Variants in CEP85L observed in about 807,000 individuals in gnomAD.
CEP85L encodes the protein centrosomal protein of 85 kDa-like.
Under a neutral mutation model 100.3 loss-of-function variants are expected in CEP85L, and 60 were observed. That is an observed-to-expected ratio of 0.60 (90% CI 0.49 to 0.74). The LOEUF (loss-of-function observed/expected upper bound fraction) is 0.74. Ranked by LOEUF, CEP85L falls within the 30% of genes least tolerant of loss-of-function variation. The probability of loss-of-function intolerance (pLI) is 0.00; values close to 1 mark genes in which losing one functional copy is unlikely to be tolerated. For missense variants in CEP85L, 973 were observed against 936.2 expected (o/e 1.04, Z -0.51); for synonymous variants, 319 against 322.7 (o/e 0.99, Z 0.12).
At chr6:118,593,479 GGAGA>G (rs1276449272) in intron 2 of CEP85L, among the ~76,000 whole-genome samples, 1 of 151,890 alleles carries the variant, frequency 6.6e-6, no homozygotes, top group Admixed American at 6.6e-5. Context: ...AAGAGAGAGA[GGAGA>G]GAGGTGCTAC....
chr6:118,505,926 T>C (rs753958236), intron 5 of CEP85L, among the ~76,000 whole-genome samples: 1 of 152,178 alleles, frequency 6.6e-6, no homozygotes, highest in Non-Finnish European at 1.5e-5. Flanking sequence ...TCACTAATTA[T>C]AAATAATGTA....
chr6:118,501,678 T>G, intron 5 of CEP85L: 1 of 662,326 alleles, frequency 1.5e-6, no homozygotes, highest in Non-Finnish European at 2.8e-6. Flanking sequence ...CACTCAGAGA[T>G]GAAAATTTTT....
intron 4 of CEP85L, among the ~76,000 whole-genome samples, chr6:118,515,680 T>C (rs1776232042): frequency 6.6e-6 from 1 of 152,200 alleles, no homozygotes; most frequent in South Asian, 2.1e-4. Context: ...ATAAACTAAG[T>C]ATTTTGAGGT....
chr6:118,581,506 G>A lies in CEP85L; in HGVS notation c.233-15190C>T, dbSNP rs551648763. Among the ~76,000 whole-genome samples the A allele has an allele frequency of 2.0e-5, 3 of 151,826 alleles. No individual in the cohort carries two copies. In the South Asian group the frequency reaches 6.3e-4, roughly 32 times the overall value. The stretch of plus-strand genomic sequence containing the variant: ...ACAAGCAGAGGACTGGGACTACTTG[G>A]GTAAGTGTGACTAGGCCTCAAAAGT... On this transcript the variant is annotated intron_variant, in intron 2 of 12. Coordinates refer to ENST00000368491, the MANE Select transcript of CEP85L (RefSeq NM_001042475.3).
At chr6:118,478,937 C>CA (rs1773580228) in intron 10 of CEP85L, among the ~76,000 whole-genome samples, 1 of 152,168 alleles carries the variant, frequency 6.6e-6, no homozygotes, top group African/African-American at 2.4e-5. Flanking sequence ...GTTTCAATGC[C>CA]AAAGTTCAAG....
intron 3 of CEP85L, among the ~76,000 whole-genome samples, chr6:118,555,577 T>C (rs1466721064): frequency 2.0e-5 from 3 of 151,042 alleles, no homozygotes; most frequent in East Asian, 3.9e-4. Flanking sequence ...CAAAAGAAAA[T>C]CTATTTATAT....
chr6:118,666,064 G>A (rs1326405738), intron 1 of CEP85L, among the ~76,000 whole-genome samples: 1 of 152,104 alleles, frequency 6.6e-6, no homozygotes, highest in Admixed American at 6.6e-5. Flanking sequence ...TTCCACTCTG[G>A]TGCCAAGTAA....
chr6:118,556,367 T>C (rs1196469286), intron 3 of CEP85L, among the ~76,000 whole-genome samples: 1 of 152,210 alleles, frequency 6.6e-6, no homozygotes, highest in Non-Finnish European at 1.5e-5. Context: ...AACTCCTTGC[T>C]ACAGACCAAT....
intron 6 of CEP85L, among the ~76,000 whole-genome samples, chr6:118,486,846 A>ATC (rs201767007): frequency 1.3e-4 from 20 of 151,594 alleles, no homozygotes; most frequent in African/African-American, 3.4e-4. Flanking sequence ...AACATCTTTG[A>ATC]TCTCTCTCTC....
intron 2 of CEP85L, among the ~76,000 whole-genome samples, chr6:118,611,442 C>G (rs1177528193): frequency 6.6e-6 from 1 of 151,854 alleles, no homozygotes; most frequent in Non-Finnish European, 1.5e-5. Context: ...TTCAAGTAAC[C>G]CATAGGAAGG....
chr6:118,700,754 C>G (rs765095313), intron 1 of CEP85L, among the ~76,000 whole-genome samples: 1 of 152,136 alleles, frequency 6.6e-6, no homozygotes, highest in African/African-American at 2.4e-5. Flanking sequence ...AGTGAGAGTA[C>G]TGAGAACCCC....
At chr6:118,488,035 AG>A (rs1479694122) in intron 6 of CEP85L, among the ~76,000 whole-genome samples, 1 of 152,128 alleles carries the variant, frequency 6.6e-6, no homozygotes, top group East Asian at 1.9e-4. Flanking sequence ...ACTAGTACAA[AG>A]ATATGAAAAG....
chr6:118,583,190 C>T lies in CEP85L; in HGVS notation c.233-16874G>A, dbSNP rs576331679. ...CTCATAGATGGTCCAGCAGGACTGA[C>T]GGGTCCCGAGGCTTAAACCCCCGGC... is the stretch of plus-strand genomic sequence containing the variant. On this transcript the variant is annotated intron_variant, in intron 2 of 12. Coordinates refer to ENST00000368491, the MANE Select transcript of CEP85L (RefSeq NM_001042475.3). Among the ~76,000 whole-genome samples, 5 of 152,124 alleles carry T rather than the reference C, an allele frequency of 3.3e-5. No individual in the cohort carries two copies. The South Asian group carries it at 6.2e-4, about 19-fold the overall frequency.
intron 2 of CEP85L, among the ~76,000 whole-genome samples, chr6:118,569,340 TC>T (rs1475556959): frequency 1.4e-4 from 2 of 14,012 alleles, no homozygotes; most frequent in Admixed American, 1.5e-3. Flanking sequence ...AGACTCTGTC[TC>T]AAAAAAAAAA....
intron 2 of CEP85L, among the ~76,000 whole-genome samples, chr6:118,594,086 AT>A (rs1781337293): frequency 6.6e-6 from 1 of 152,010 alleles, no homozygotes; most frequent in African/African-American, 2.4e-5. Flanking sequence ...GCTCCTAACT[AT>A]TTACTGTCTT....
rs754477776 is a variant in CEP85L at position 118,483,839 on chromosome 6, T to C, written c.1457A>G (p.Tyr486Cys). 7 of 1,613,122 alleles carry C rather than the reference T, an allele frequency of 4.3e-6. 1 individual carries two copies. In the South Asian group the frequency reaches 5.5e-5, roughly 13 times the overall value. ...GCATTTCTTTTTCAGACTACTGATG[T>C]ATCGATCTCTAGTTTTAAGCTAAAA... The part of the protein sequence containing the change: ...LEEKLKTRDR[Y>C]ISSLKKKCQK... The change falls in exon 7 of 13, where the codon TAC (tyrosine) becomes TGC (cysteine). Residue 486 changes from tyrosine (Y) to cysteine (C), a missense_variant. By Grantham distance (194) the Tyr-to-Cys change is radical. This residue lies in a region of CEP85L where 890 missense variants were observed against 844.5 expected (regional missense o/e 1.05). Transcript: ENST00000368491.
At chr6:118,505,798 C>T (rs1031966156) in intron 5 of CEP85L, among the ~76,000 whole-genome samples, 12 of 152,068 alleles carry the variant, frequency 7.9e-5, no homozygotes, top group African/African-American at 2.9e-4. Context: ...CTGCATGATA[C>T]GATAATGGTG....
chr6:118,669,561 T>C (rs945639812), intron 1 of CEP85L, among the ~76,000 whole-genome samples: 3 of 152,086 alleles, frequency 2.0e-5, no homozygotes, highest in Admixed American at 1.3e-4. Context: ...AAATAACCAC[T>C]AGGGTCTATA....
At chr6:118,615,519 G>T (rs987797466) in intron 2 of CEP85L, among the ~76,000 whole-genome samples, 3 of 151,806 alleles carry the variant, frequency 2.0e-5, no homozygotes, top group African/African-American at 2.4e-5. Context: ...TTCCCACACC[G>T]TGCACGTTCC....
Sources: gnomAD v4.1 joint callset for allele counts (sites outside exome capture counted in the v4.1 genomes callset) on GRCh38, gnomAD v4.1.1 for gene constraint, gnomAD v4.1.1 regional missense constraint, MANE v1.5 for transcripts, NCBI Gene and HGNC (gene_info 2026-07-23, HGNC 2026-07-21) for gene names.